Variants in ABAT observed in about 807,000 individuals in gnomAD.
The protein encoded by ABAT is 4-aminobutyrate aminotransferase.
ABAT carries 45 observed loss-of-function variants against 64.6 expected under a neutral mutation model. That is an observed-to-expected ratio of 0.70 (90% confidence interval 0.55 to 0.89). The LOEUF (loss-of-function observed/expected upper bound fraction) is 0.89. Among genes scored for constraint, ABAT ranks in the 40% least tolerant of loss-of-function variants. The probability of loss-of-function intolerance (pLI) is 0.00; values close to 1 mark genes in which losing one functional copy is unlikely to be tolerated. For synonymous variants in ABAT, 297 were observed against 250.5 expected (o/e 1.19, Z -1.75); for missense variants, 633 against 658.4 (o/e 0.96, Z 0.42).
chr16:8,687,497 G>C (rs941816360), intron 1 of ABAT, among the ~76,000 whole-genome samples: 1 of 152,254 alleles, frequency 6.6e-6, no homozygotes, highest in African/African-American at 2.4e-5. Context: ...CCGCACTCCA[G>C]CCTGGCGACA....
chr16:8,713,371 T>C (rs1265224396), intron 1 of ABAT: 2 of 158,490 alleles, frequency 1.3e-5, no homozygotes, highest in African/African-American at 4.8e-5. Context: ...TGATGTGTCT[T>C]ATCCTTCTGG....
chr16:8,750,355 T>C, intron 4 of ABAT, 67 bp from the exon 5 acceptor site: 2 of 1,349,534 alleles, frequency 1.5e-6, no homozygotes, highest in South Asian at 2.3e-5. Flanking sequence ...TGATTCAAGC[T>C]TAATCCTAAA....
chr16:8,726,157 C>T (rs898983393), intron 1 of ABAT, among the ~76,000 whole-genome samples: 7 of 151,980 alleles, frequency 4.6e-5, no homozygotes, highest in African/African-American at 1.7e-4. Flanking sequence ...ATTTTTAGAT[C>T]CCACAAATAA....
At chr16:8,679,561 A>G (rs963871865) in intron 1 of ABAT, among the ~76,000 whole-genome samples, 4 of 151,100 alleles carry the variant, frequency 2.6e-5, no homozygotes, top group African/African-American at 7.3e-5. Context: ...AGGAGGCAAT[A>G]GTAGAACCTC....
chr16:8,708,189 T>C (rs1416395900), intron 1 of ABAT, among the ~76,000 whole-genome samples: 1 of 152,138 alleles, frequency 6.6e-6, no homozygotes. Flanking sequence ...AGAGAGAATT[T>C]GTTTGGTTTA....
chr16:8,731,023 T>C (rs1451686291), intron 1 of ABAT, among the ~76,000 whole-genome samples: 3 of 152,214 alleles, frequency 2.0e-5, no homozygotes, highest in Non-Finnish European at 4.4e-5. Context: ...AGTGCGGTGG[T>C]GTGATCTTGG....
intron 14 of ABAT, among the ~76,000 whole-genome samples, chr16:8,777,345 C>T (rs990698159): frequency 7.2e-5 from 11 of 152,150 alleles, no homozygotes; most frequent in African/African-American, 2.7e-4. Context: ...CACTGCCCTC[C>T]CCTGCTGGAG....
chr16:8,740,086 C>T (rs2059120031), intron 2 of ABAT, among the ~76,000 whole-genome samples: 1 of 151,996 alleles, frequency 6.6e-6, no homozygotes, highest in Admixed American at 6.6e-5. Context: ...CCCTCACCTC[C>T]ACTCCTTAAG....
In ABAT at chr16:8,743,007, TA is replaced by T. The variant is rs71152928; in HGVS notation, c.71-2974del. Among the ~76,000 whole-genome samples the T allele has an allele frequency of 1.6e-3, 201 of 124,244 alleles. 1 individual carries two copies. The highest frequency in any genetic ancestry group is 5.2e-3 in the African/African-American group (174 of 33,638). 81.5% of individuals were successfully genotyped at this position (124,244 alleles called of 152,430 possible). A position where few individuals can be genotyped will look rare whatever the true frequency, so the allele number is the denominator to read the frequency against. On this transcript the variant is annotated intron_variant, in intron 2 of 15. Coordinates refer to ENST00000268251, the MANE Select transcript of ABAT (RefSeq NM_020686.6). Reference sequence around the variant, plus strand: ...GCAACATAGCGAGACCTCATTTCTTTAAAAAAAAAAAAAAAAAAAAGTCATC... The same window carrying T: ...GCAACATAGCGAGACCTCATTTCTTTAAAAAAAAAAAAAAAAAAAGTCATC...
rs1007563922 is a variant in ABAT at position 8,782,204 on chromosome 16, C to G, written c.*774C>G. 6.5e-6 allele frequency: 1 copy of G among 152,834 alleles called. No individual in the cohort carries two copies. The highest frequency in any genetic ancestry group is 1.5e-5 in the Non-Finnish European group (1 of 68,564). 9.5% of individuals were successfully genotyped at this position (152,834 alleles called of 1,614,324 possible). A position where few individuals can be genotyped will look rare whatever the true frequency, so the allele number is the denominator to read the frequency against. ...TGTTAAATGTCAACCTAGACCTGGACCTGGGTGGGAGGAAACTGTAGCCTG... is the reference window on the plus strand; with the variant it reads ...TGTTAAATGTCAACCTAGACCTGGAGCTGGGTGGGAGGAAACTGTAGCCTG... On this transcript the variant is annotated 3_prime_UTR_variant, in exon 16 of 16. Transcript: ENST00000268251.
chr16:8,713,246 A>G (rs2058119008), intron 1 of ABAT: 1 of 150,170 alleles, frequency 6.7e-6, no homozygotes, highest in Non-Finnish European at 1.5e-5. Flanking sequence ...GAAGCCCGGG[A>G]TTTCTGCTTT....
In ABAT at chr16:8,784,505, C is replaced by CAAT. The variant is rs1276351452; in HGVS notation, c.*3076_*3078dup. 6.6e-6 allele frequency: 1 copy of CAAT among 152,306 alleles called. No individual in the cohort carries two copies. The highest frequency in any genetic ancestry group is 1.5e-5 in the Non-Finnish European group (1 of 68,042). 9.4% of individuals were successfully genotyped at this position (152,306 alleles called of 1,614,324 possible). A position where few individuals can be genotyped will look rare whatever the true frequency, so the allele number is the denominator to read the frequency against. ...ACAATGTAACGGATGACCATATGCA[C>CAAT]AATTCCATGAATTAAATCTGTTTCC... is the stretch of plus-strand genomic sequence containing the variant. On this transcript the variant is annotated 3_prime_UTR_variant, in exon 16 of 16. Transcript: ENST00000268251.
At chr16:8,767,262 C>T (rs1415164883) in intron 9 of ABAT, among the ~76,000 whole-genome samples, 7 of 152,256 alleles carry the variant, frequency 4.6e-5, no homozygotes, top group Admixed American at 3.3e-4. Flanking sequence ...GGCGTCCATG[C>T]ACCCCTCCTG....
At chr16:8,729,631 C>T (rs1452927437) in intron 1 of ABAT, among the ~76,000 whole-genome samples, 2 of 151,844 alleles carry the variant, frequency 1.3e-5, no homozygotes, top group African/African-American at 4.8e-5. Flanking sequence ...CCAGCCTGGG[C>T]AACACAGCGA....
chr16:8,750,345 T>C (rs576390121), intron 4 of ABAT, 77 bp from the exon 5 acceptor site: 3 of 1,223,310 alleles, frequency 2.5e-6, no homozygotes, highest in Non-Finnish European at 3.6e-6. Flanking sequence ...TGTACTTCAC[T>C]GATTCAAGCT....
chr16:8,676,171 C>G (rs551751103), intron 1 of ABAT, among the ~76,000 whole-genome samples: 1 of 152,154 alleles, frequency 6.6e-6, no homozygotes, highest in Non-Finnish European at 1.5e-5. Flanking sequence ...TGTGTTTTCT[C>G]GAGGCCCAAA....
At chr16:8,732,227 T>A (rs966672890) in intron 1 of ABAT, among the ~76,000 whole-genome samples, 8 of 144,656 alleles carry the variant, frequency 5.5e-5, no homozygotes, top group Middle Eastern at 7.1e-3. Flanking sequence ...GTTTTTTTAA[T>A]TTATTTATTT....
intron 1 of ABAT, among the ~76,000 whole-genome samples, chr16:8,696,430 A>T (rs1355544028): frequency 6.6e-6 from 1 of 152,130 alleles, no homozygotes; most frequent in Non-Finnish European, 1.5e-5. Context: ...CAAGACCAGC[A>T]TGGCCAACAT....
chr16:8,744,508 C>T (rs1363192007), intron 2 of ABAT, among the ~76,000 whole-genome samples: 1 of 150,184 alleles, frequency 6.7e-6, no homozygotes, highest in Non-Finnish European at 1.5e-5. Context: ...GCTGGGATTA[C>T]AGGTGCCTGC....
Sources: gnomAD v4.1 joint callset for allele counts (sites outside exome capture counted in the v4.1 genomes callset) on GRCh38, gnomAD v4.1.1 for gene constraint, MANE v1.5 for transcripts, NCBI Gene and HGNC (gene_info 2026-07-23, HGNC 2026-07-21) for gene names.